The following NAT1 variants were observed in gnomAD, a reference collection of about 807,000 sequenced individuals.
NAT1 encodes the protein arylamine N-acetyltransferase 1.
For missense variants in NAT1, 400 were observed against 339.2 expected, an observed-to-expected ratio of 1.18 and a Z score of -1.41; for synonymous variants, 144 against 122.6, an observed-to-expected ratio of 1.17 and a Z score of -1.16.
chr8:18,174,448 G>T (rs1274113615), intron 2 of NAT1, among the ~76,000 whole-genome samples: 1 of 151,964 alleles, frequency 6.6e-6, no homozygotes, highest in Non-Finnish European at 1.5e-5. Context: ...CTGTTTTCTA[G>T]CTACCTTCAT....
intron 2 of NAT1, among the ~76,000 whole-genome samples, chr8:18,192,502 T>C (rs969128966): frequency 6.6e-6 from 1 of 152,164 alleles, no homozygotes; most frequent in Non-Finnish European, 1.5e-5. Flanking sequence ...ATATACCCAA[T>C]GGACTATAAA....
intron 2 of NAT1, among the ~76,000 whole-genome samples, chr8:18,203,785 G>A (rs1386061803): frequency 6.6e-6 from 1 of 152,216 alleles, no homozygotes; most frequent in Non-Finnish European, 1.5e-5. Context: ...GGGTATGGGA[G>A]TCCTAGGTAA....
At chr8:18,212,316 GC>G (rs1804189725) in intron 1 of NAT1, 1 of 152,174 alleles carries the variant, frequency 6.6e-6, no homozygotes, top group African/African-American at 2.4e-5. Context: ...AAAAACACCA[GC>G]ATTTTGCTCA....
intron 2 of NAT1, among the ~76,000 whole-genome samples, chr8:18,180,626 T>C (rs548270215): frequency 2.0e-5 from 3 of 152,194 alleles, no homozygotes; most frequent in Non-Finnish European, 4.4e-5. Flanking sequence ...AGATATGATA[T>C]AGTACAAAAT....
intron 2 of NAT1, among the ~76,000 whole-genome samples, chr8:18,190,628 G>A (rs548707226): frequency 3.0e-4 from 46 of 152,322 alleles, no homozygotes; most frequent in South Asian, 1.2e-3. Flanking sequence ...ACGTGGTGGT[G>A]ATACCCACTG....
intron 2 of NAT1, among the ~76,000 whole-genome samples, chr8:18,180,058 A>C (rs755591313): frequency 7.2e-5 from 11 of 152,136 alleles, no homozygotes; most frequent in Non-Finnish European, 1.2e-4. Context: ...TAAGATTTAA[A>C]GAAAAGTACT....
intron 2 of NAT1, among the ~76,000 whole-genome samples, chr8:18,171,601 T>C (rs1389041228): frequency 6.6e-6 from 1 of 152,014 alleles, no homozygotes; most frequent in African/African-American, 2.4e-5. Context: ...TAATTCCTAA[T>C]AGCTAAGGTA....
intron 2 of NAT1, among the ~76,000 whole-genome samples, chr8:18,198,165 CAA>C (rs56736318): frequency 9.6e-4 from 146 of 151,708 alleles, no homozygotes; most frequent in Middle Eastern, 6.8e-3. Flanking sequence ...CCAATCTAGG[CAA>C]AAAAAAATCT....
At chr8:18,217,528 G>A (rs1804805977) in intron 1 of NAT1, among the ~76,000 whole-genome samples, 1 of 152,186 alleles carries the variant, frequency 6.6e-6, no homozygotes, top group South Asian at 2.1e-4. Flanking sequence ...TCAGCTTTTA[G>A]TATTTGGGAA....
chr8:18,215,963 A>G (rs1804614590), intron 1 of NAT1, among the ~76,000 whole-genome samples: 2 of 152,182 alleles, frequency 1.3e-5, no homozygotes, highest in Admixed American at 1.3e-4. Flanking sequence ...AGGACTGCAA[A>G]TTTAAAGGGG....
chr8:18,186,031 T>G (rs559529068), intron 2 of NAT1, among the ~76,000 whole-genome samples: 1 of 152,288 alleles, frequency 6.6e-6, no homozygotes, highest in Admixed American at 6.5e-5. Context: ...ATTTCAACCC[T>G]TTGGAACTGG....
intron 2 of NAT1, among the ~76,000 whole-genome samples, chr8:18,177,924 G>T (rs892517760): frequency 6.6e-5 from 10 of 152,060 alleles, no homozygotes; most frequent in Non-Finnish European, 1.0e-4. Flanking sequence ...CTTAGCTTTT[G>T]ATTTTCACAG....
At chr8:18,199,116 C>A (rs1803356068) in intron 2 of NAT1, among the ~76,000 whole-genome samples, 1 of 151,724 alleles carries the variant, frequency 6.6e-6, no homozygotes, top group African/African-American at 2.4e-5. Context: ...GAGTTCGAAA[C>A]CAGCCTGACC....
chr8:18,211,916 C>G (rs573711788), intron 1 of NAT1, among the ~76,000 whole-genome samples: 4 of 152,228 alleles, frequency 2.6e-5, no homozygotes, highest in Non-Finnish European at 5.9e-5. Flanking sequence ...ATCTATGCAG[C>G]AGGCGTAGAT....
intron 2 of NAT1, among the ~76,000 whole-genome samples, chr8:18,175,925 A>C (rs1399897669): frequency 1.3e-5 from 2 of 151,952 alleles, no homozygotes; most frequent in African/African-American, 2.4e-5. Flanking sequence ...GCAATATCTC[A>C]TTGTGTTTTA....
chr8:18,180,368 G>A (rs1246395609), intron 2 of NAT1, among the ~76,000 whole-genome samples: 1 of 152,154 alleles, frequency 6.6e-6, no homozygotes, highest in African/African-American at 2.4e-5. Context: ...AAGTACAGAT[G>A]GAGCAAATGC....
At chr8:18,210,367 C>T (rs28359484) in intron 1 of NAT1, among the ~76,000 whole-genome samples, 187 bp downstream of exon 1, 6,822 of 152,198 alleles carry the variant, frequency 0.045, 442 homozygotes, top group African/African-American at 0.14. Context: ...GTTACAGGTC[C>T]TTGATTCAAA....
chr8:18,217,545 G>C (rs1484127043), intron 1 of NAT1, among the ~76,000 whole-genome samples: 1 of 152,220 alleles, frequency 6.6e-6, no homozygotes, highest in East Asian at 1.9e-4. Context: ...GGAAAAGTAA[G>C]TGGGACTTTC....
chr8:18,176,743 T>A (rs1444468618), intron 2 of NAT1, among the ~76,000 whole-genome samples: 2 of 152,036 alleles, frequency 1.3e-5, no homozygotes, highest in African/African-American at 2.4e-5. Flanking sequence ...TTTTTCTATT[T>A]TTATAAAAAA....
Sources: gnomAD v4.1 joint callset for allele counts (sites outside exome capture counted in the v4.1 genomes callset) on GRCh38, gnomAD v4.1.1 for gene constraint, MANE v1.5 for transcripts, NCBI Gene and HGNC (gene_info 2026-07-23, HGNC 2026-07-21) for gene names.